Variants in OR2J3 observed in about 807,000 individuals in gnomAD.
The protein encoded by OR2J3 is olfactory receptor 2J3.
A neutral mutation model predicts 18.5 loss-of-function variants in OR2J3; 13 were observed. The observed-to-expected ratio is 0.70, with a 90% CI of 0.46 to 1.12. OR2J3 has a LOEUF of 1.12. Ranked by LOEUF, OR2J3 falls within the 50% of genes most tolerant of loss-of-function variation. The pLI is 0.00. For synonymous variants in OR2J3, 142 were observed against 140.6 expected (o/e 1.01, Z -0.07); for missense variants, 321 against 371.6 (o/e 0.86, Z 1.12).
chr6:29,112,836 T>C lies in OR2J3; in HGVS notation c.*10T>C, dbSNP rs762214088. 2 of 1,600,314 alleles carry C rather than the reference T, an allele frequency of 1.2e-6. No homozygotes were observed. The highest frequency in any genetic ancestry group is 1.7e-6 in the Non-Finnish European group (2 of 1,174,048). On this transcript the variant is annotated 3_prime_UTR_variant, in exon 4 of 4. Coordinates refer to ENST00000641151, the MANE Select transcript of OR2J3 (RefSeq NM_001005216.4). Reference sequence around the variant, plus strand: ...AATGGGGTGGGAATGAGCCTGTGTATGTGTCATATTAACAATATAACAGAG... The same window carrying C: ...AATGGGGTGGGAATGAGCCTGTGTACGTGTCATATTAACAATATAACAGAG...
chr6:29,112,525 T>A lies in OR2J3; in HGVS notation c.635T>A (p.Ile212Lys), dbSNP rs950393572. 8.1e-6 allele frequency: 13 copies of A among 1,614,028 alleles called. No individual in the cohort carries two copies. The highest frequency in any genetic ancestry group is 1.1e-5 in the Non-Finnish European group (13 of 1,180,010). The change falls in exon 4 of 4, where the codon ATA (isoleucine) becomes AAA (lysine). Residue 212 changes from isoleucine to lysine, a missense_variant. Transcript: ENST00000641151. Reference protein sequence around the residue: ...LMITSSIFVLIPLILILTSYG... With the variant: ...LMITSSIFVLKPLILILTSYG... ...ATCACAAGCTCCATATTTGTTCTCA[T>A]ACCTCTCATCCTCATTCTCACTTCT...
intron 3 of OR2J3, among the ~76,000 whole-genome samples, chr6:29,110,584 T>A (rs1007010025): frequency 6.6e-5 from 10 of 152,174 alleles, no homozygotes; most frequent in Admixed American, 6.5e-4. Flanking sequence ...GTTAGGAATT[T>A]CCTTCAATTA....
At chr6:29,110,185 A>C (rs1165288818) in intron 3 of OR2J3, among the ~76,000 whole-genome samples, 2 of 152,212 alleles carry the variant, frequency 1.3e-5, no homozygotes, top group Non-Finnish European at 2.9e-5. Flanking sequence ...TTTAGAAAGC[A>C]TTCTATCACT....
intron 3 of OR2J3, among the ~76,000 whole-genome samples, chr6:29,110,617 A>G (rs1762086876): frequency 6.6e-6 from 1 of 152,158 alleles, no homozygotes; most frequent in Non-Finnish European, 1.5e-5. Flanking sequence ...ATGTCACCCT[A>G]AAATGAATGA....
At chr6:29,108,380 C>CCGTT (rs1219263837) in intron 1 of OR2J3, 85 bp downstream of exon 1, 4 of 152,278 alleles carry the variant, frequency 2.6e-5, no homozygotes, top group Non-Finnish European at 4.4e-5. Context: ...TTTTCTCCCT[C>CCGTT]CGTTATACCT....
At chr6:29,111,042 T>C (rs1283466697) in intron 3 of OR2J3, among the ~76,000 whole-genome samples, 1 of 152,136 alleles carries the variant, frequency 6.6e-6, no homozygotes, top group Non-Finnish European at 1.5e-5. Context: ...ATCAGCAAAC[T>C]TAATATGGGC....
chr6:29,114,431 C>T lies in OR2J3; in HGVS notation c.*1605C>T, dbSNP rs983354239. On this transcript the variant is annotated 3_prime_UTR_variant, in exon 4 of 4. Transcript: ENST00000641151. ...CTTACGGTAGCATCCTGGTTTCTCA[C>T]CTACTCAAATATCCCCCCCCTCCCC... 5.8e-5 allele frequency: 8 copies of T among 136,962 alleles called. No homozygotes were observed. Among genetic ancestry groups the T allele is most frequent in the Non-Finnish European group, 1.1e-4 (7 of 63,590 alleles). 8.5% of individuals were successfully genotyped at this position (136,962 alleles called of 1,614,324 possible).
chr6:29,113,968 A>T lies in OR2J3; in HGVS notation c.*1142A>T, dbSNP rs568343063. 1 of 152,318 alleles carries T rather than the reference A, an allele frequency of 6.6e-6. No individual in the cohort carries two copies. Among genetic ancestry groups the T allele is most frequent in the South Asian group, 2.1e-4 (1 of 4,820 alleles). 9.4% of individuals were successfully genotyped at this position (152,318 alleles called of 1,614,324 possible). ...ATGGCTAAAGGAGAATTCAGTATAA[A>T]GTAACGTACTTGCAATGCCTGAGTT... On this transcript the variant is annotated 3_prime_UTR_variant, in exon 4 of 4. Coordinates refer to ENST00000641151, the MANE Select transcript of OR2J3 (RefSeq NM_001005216.4).
rs368635959 is a variant in OR2J3, at chr6:29,111,201, C to T, written c.-10-680C>T. 2.7e-4 allele frequency among the ~76,000 whole-genome samples: 41 copies of T among 152,222 alleles called. No homozygotes were observed. The South Asian group carries it at 6.6e-3, about 25-fold the overall frequency. ...TCTTTTCATCTGGACCAGTTCCTCA[C>T]CCTTTGTTTTTCTACTTAAACTTGA... On this transcript the variant is annotated intron_variant, in intron 3 of 3. Transcript: ENST00000641151.
intron 3 of OR2J3, chr6:29,111,651 G>T: frequency 2.0e-6 from 1 of 491,256 alleles, no homozygotes; most frequent in Non-Finnish European, 3.5e-6. Context: ...CTACTGTAAG[G>T]AATAGCTTTA....
intron 3 of OR2J3, among the ~76,000 whole-genome samples, chr6:29,111,371 A>G (rs1274255776): frequency 2.6e-5 from 4 of 152,156 alleles, no homozygotes; most frequent in Admixed American, 2.6e-4. Flanking sequence ...GAGCATCATC[A>G]CAGCAGGCTC....
rs1762231723 is a variant in OR2J3, at chr6:29,113,582, G to A, written c.*756G>A. ...TACTTAGGTGAGGTAAGTGCTTGGAGCAACTGCATTACCTAAGGAACTAAG... is the reference window on the plus strand; with the variant it reads ...TACTTAGGTGAGGTAAGTGCTTGGAACAACTGCATTACCTAAGGAACTAAG... On this transcript the variant is annotated 3_prime_UTR_variant, in exon 4 of 4. Coordinates refer to ENST00000641151, the MANE Select transcript of OR2J3 (RefSeq NM_001005216.4). The A allele has an allele frequency of 6.6e-6, 1 of 152,156 alleles. No individual in the cohort carries two copies. Among genetic ancestry groups the A allele is most frequent in the Admixed American group, 6.5e-5 (1 of 15,272 alleles). 9.4% of individuals were successfully genotyped at this position (152,156 alleles called of 1,614,324 possible). A position where few individuals can be genotyped will look rare whatever the true frequency, so the allele number is the denominator to read the frequency against.
intron 3 of OR2J3, chr6:29,109,702 T>A (rs1762056768): frequency 6.6e-6 from 1 of 152,078 alleles, no homozygotes; most frequent in South Asian, 2.1e-4. Flanking sequence ...CAAAAATAAG[T>A]ATCATTTTTT....
In OR2J3 at chr6:29,112,603, A is replaced by G. The variant is rs759272891; in HGVS notation, c.713A>G (p.Gln238Arg). ...AGGATGCAGTCAACCACTGGGCTTCAGAAAGTGTTTGGAACATGTGGAGCT... is the reference window on the plus strand; with the variant it reads ...AGGATGCAGTCAACCACTGGGCTTCGGAAAGTGTTTGGAACATGTGGAGCT... ...ILRMQSTTGL[Q>R]KVFGTCGAHL... Residue 238 changes from glutamine (Q) to arginine (R), a missense_variant, in exon 4 of 4, where the codon CAG becomes CGG. Coordinates refer to ENST00000641151, the MANE Select transcript of OR2J3 (RefSeq NM_001005216.4). The G allele has an allele frequency of 7.4e-6, 12 of 1,613,982 alleles. No individual in the cohort carries two copies. The highest frequency in any genetic ancestry group is 5.3e-5 in the African/African-American group (4 of 74,912).
chr6:29,111,838 G>A lies in OR2J3; in HGVS notation c.-10-43G>A. On this transcript the variant is annotated intron_variant, in intron 3 of 3. Transcript: ENST00000641151. ...GTGTGCTGATATTTTTGGATCATTT[G>A]TTTACTCGTTTTTTGAGTTTACCTT... is the stretch of plus-strand genomic sequence containing the variant. 3.9e-6 allele frequency: 6 copies of A among 1,528,570 alleles called. No homozygotes were observed. The Admixed American group carries it at 1.1e-4, about 27-fold the overall frequency. 94.7% of individuals were successfully genotyped at this position (1,528,570 alleles called of 1,614,324 possible). A position where few individuals can be genotyped will look rare whatever the true frequency, so the allele number is the denominator to read the frequency against.
At chr6:29,111,636 G>A (rs1762129317) in intron 3 of OR2J3, 1 of 419,088 alleles carries the variant, frequency 2.4e-6, no homozygotes, top group East Asian at 3.7e-5. Context: ...TTGTTAATTA[G>A]GGATCTACTG....
chr6:29,112,018 T>A lies in OR2J3; in HGVS notation c.128T>A (p.Ile43Lys). Reference sequence around the variant, plus strand: ...TTGATCTTCTACTTGATGACACTGATAGGAAACCTGTTCATCATCATCCTG... The same window carrying A: ...TTGATCTTCTACTTGATGACACTGAAAGGAAACCTGTTCATCATCATCCTG... Reference protein sequence around the residue: ...VVLIFYLMTLIGNLFIIILSY... With the variant: ...VVLIFYLMTLKGNLFIIILSY... The change falls in exon 4 of 4, where the codon ATA becomes AAA. Residue 43 changes from isoleucine (I) to lysine (K), a missense_variant. Coordinates refer to ENST00000641151, the MANE Select transcript of OR2J3 (RefSeq NM_001005216.4). 6.2e-7 allele frequency: 1 copy of A among 1,614,124 alleles called. No homozygotes were observed. The highest frequency in any genetic ancestry group is 8.5e-7 in the Non-Finnish European group (1 of 1,180,026).
rs1762234775 is a variant in OR2J3, at chr6:29,113,684, T to C, written c.*858T>C. The C allele has an allele frequency of 6.6e-6, 1 of 152,092 alleles. No individual in the cohort carries two copies. 9.4% of individuals were successfully genotyped at this position (152,092 alleles called of 1,614,324 possible). On this transcript the variant is annotated 3_prime_UTR_variant, in exon 4 of 4. Transcript: ENST00000641151. ...GGTGTATGAAAGAATTATGTGAAAA[T>C]ATATTGGAAAAATTTTATGATAGAA...
rs1411762030 is a variant in OR2J3 at position 29,112,065 on chromosome 6, C to T, written c.175C>T (p.His59Tyr). ...IILSYLDSHL[H>Y]TPMYFFLSNL... Reference sequence around the variant, plus strand: ...CCTGTCATACCTGGACTCCCATCTGCACACACCAATGTACTTCTTCCTTTC... The same window carrying T: ...CCTGTCATACCTGGACTCCCATCTGTACACACCAATGTACTTCTTCCTTTC... Residue 59 changes from histidine (H) to tyrosine (Y), a missense_variant, in exon 4 of 4, where the codon CAC (histidine) becomes TAC (tyrosine). By Grantham distance (83) the His-to-Tyr change is moderately conservative. Transcript: ENST00000641151. 1.9e-6 allele frequency: 3 copies of T among 1,614,022 alleles called. No homozygotes were observed. In the African/African-American group the frequency reaches 4.0e-5, roughly 22 times the overall value.
Sources: gnomAD v4.1 joint callset for allele counts (sites outside exome capture counted in the v4.1 genomes callset) on GRCh38, gnomAD v4.1.1 for gene constraint, MANE v1.5 for transcripts, NCBI Gene and HGNC (gene_info 2026-07-23, HGNC 2026-07-21) for gene names.